KCNT2: variants seen among roughly 807,000 people sequenced by gnomAD.
KCNT2 encodes potassium channel subfamily T member 2.
In KCNT2, 67 loss-of-function variants were observed where a neutral mutation model predicts 153.8. The observed-to-expected ratio is 0.44, with a 90% CI of 0.36 to 0.53. KCNT2 has a LOEUF of 0.53. KCNT2 is among the 20% of genes least tolerant of loss of function. The pLI is 0.00. For missense variants in KCNT2, 975 were observed against 1,354.8 expected (o/e 0.72, Z 4.40); for synonymous variants, 500 against 458.8 (o/e 1.09, Z -1.15).
At chr1:196,281,738 A>C (rs1659117833) in intron 24 of KCNT2, among the ~76,000 whole-genome samples, 1 of 152,006 alleles carries the variant, frequency 6.6e-6, no homozygotes, top group African/African-American at 2.4e-5. Context: ...ATTGCCAGTT[A>C]ACAAAAAAAA....
rs1664421090 is a variant in KCNT2, at chr1:196,331,177, A to G, written c.2082T>C (p.Phe694=). Residue 694 remains phenylalanine (F), a synonymous_variant, in exon 18 of 28, where the codon TTT becomes TTC. Transcript: ENST00000294725. ...FCHLLHEKVP[F]CCLRLDKSCQ... The stretch of plus-strand genomic sequence containing the variant: ...TTACCTTGTCTAATCTTAAGCAGCA[A>G]AATGGTACTTTTTCATGAAGGAGAT... The G allele has an allele frequency of 6.2e-7, 1 of 1,602,498 alleles. No individual in the cohort carries two copies. The highest frequency in any genetic ancestry group is 1.3e-5 in the African/African-American group (1 of 74,624).
intron 1 of KCNT2, among the ~76,000 whole-genome samples, chr1:196,530,740 G>A (rs1347777154): frequency 6.6e-6 from 1 of 151,850 alleles, no homozygotes; most frequent in African/African-American, 2.4e-5. Flanking sequence ...AAGAAACATC[G>A]TTTACACTTA....
intron 1 of KCNT2, among the ~76,000 whole-genome samples, chr1:196,519,778 C>A (rs1572707686): frequency 6.6e-6 from 1 of 152,064 alleles, no homozygotes; most frequent in East Asian, 1.9e-4. Context: ...CAAAAATGAG[C>A]TCTGAAATTA....
At chr1:196,261,530 C>G (rs1438423683) in intron 25 of KCNT2, among the ~76,000 whole-genome samples, 1 of 151,384 alleles carries the variant, frequency 6.6e-6, no homozygotes, top group Non-Finnish European at 1.5e-5. Context: ...GAAAATAATA[C>G]GAAATAATTA....
At chr1:196,247,457 G>T (rs567940671) in intron 26 of KCNT2, among the ~76,000 whole-genome samples, 2 of 152,158 alleles carry the variant, frequency 1.3e-5, no homozygotes, top group Non-Finnish European at 2.9e-5. Flanking sequence ...AAAACATTTT[G>T]TATTAGTTGG....
Position 196,258,747 on chromosome 1 carries a change from A to G in KCNT2, c.2911-253T>C. On this transcript the variant is annotated intron_variant, in intron 25 of 27. Coordinates refer to ENST00000294725, the MANE Select transcript of KCNT2 (RefSeq NM_198503.5). Reference sequence around the variant, plus strand: ...GGTACAAATTTTTATGAAAGTATTTAATTTTTAGGCATAAACTTTACTTAG... The same window carrying G: ...GGTACAAATTTTTATGAAAGTATTTGATTTTTAGGCATAAACTTTACTTAG... 3 of 469,862 alleles carry G rather than the reference A, an allele frequency of 6.4e-6. No individual in the cohort carries two copies. The South Asian group carries it at 6.9e-5, about 11-fold the overall frequency. 29.1% of individuals were successfully genotyped at this position (469,862 alleles called of 1,614,324 possible).
intron 13 of KCNT2, among the ~76,000 whole-genome samples, chr1:196,385,293 A>G (rs1669870200): frequency 6.6e-6 from 1 of 152,184 alleles, no homozygotes. Context: ...ACTATTTTTG[A>G]CCTGTACAGC....
chr1:196,246,077 G>A (rs1655416946), intron 26 of KCNT2, among the ~76,000 whole-genome samples: 1 of 152,068 alleles, frequency 6.6e-6, no homozygotes, highest in South Asian at 2.1e-4. Context: ...CGAGAATAAA[G>A]AAAGGATCTG....
rs201864319 is a variant in KCNT2, at chr1:196,535,657, G to A, written c.96-43316C>T. The stretch of plus-strand genomic sequence containing the variant: ...ATGAGGTCTGAGGAGAGTTGGTGGG[G>A]TGGTGGGTAGCTAGTAAAACACTTG... On this transcript the variant is annotated intron_variant, in intron 1 of 27. Transcript: ENST00000294725. Among the ~76,000 whole-genome samples, 7 of 152,264 alleles carry A rather than the reference G, an allele frequency of 4.6e-5. No homozygotes were observed. In the East Asian group the frequency reaches 1.4e-3, roughly 29 times the overall value.
intron 1 of KCNT2, among the ~76,000 whole-genome samples, chr1:196,564,501 C>G (rs1659837144): frequency 6.6e-6 from 1 of 151,352 alleles, no homozygotes; most frequent in Non-Finnish European, 1.5e-5. Flanking sequence ...AAATCAATTC[C>G]AAAATTTGAA....
At chr1:196,357,325 T>C (rs1667253984) in intron 14 of KCNT2, among the ~76,000 whole-genome samples, 1 of 151,994 alleles carries the variant, frequency 6.6e-6, no homozygotes. Flanking sequence ...ATAATTTCTC[T>C]TTACTTACTG....
rs117483156 is a variant in KCNT2, at chr1:196,363,555, T to C, written c.1403+9585A>G. ...GAGGTGGGGCCTAATAAGGCCTTAT[T>C]AGTTCATAGGGCTCTGCCTCATAGA... On this transcript the variant is annotated intron_variant, in intron 14 of 27. Coordinates refer to ENST00000294725, the MANE Select transcript of KCNT2 (RefSeq NM_198503.5). Among the ~76,000 whole-genome samples the C allele has an allele frequency of 7.6e-4, 115 of 152,250 alleles. 2 individuals are homozygous for C. The East Asian group carries it at 0.021, about 27-fold the overall frequency.
intron 8 of KCNT2, among the ~76,000 whole-genome samples, chr1:196,438,926 C>T (rs115656947): frequency 0.019 from 2,935 of 151,688 alleles, 80 homozygotes; most frequent in Admixed American, 0.08. Flanking sequence ...TATATTCATA[C>T]TCACTATTAA....
intron 1 of KCNT2, among the ~76,000 whole-genome samples, chr1:196,498,578 A>G (rs919412870): frequency 1.1e-4 from 16 of 152,158 alleles, no homozygotes; most frequent in Admixed American, 5.2e-4. Flanking sequence ...CTTGTCCTCT[A>G]TTTATTTGAT....
chr1:196,602,078 A>G (rs1664785743), intron 1 of KCNT2, among the ~76,000 whole-genome samples: 1 of 152,212 alleles, frequency 6.6e-6, no homozygotes, highest in Admixed American at 6.5e-5. Flanking sequence ...GATTAAAAAT[A>G]ATTGTCTTTC....
chr1:196,573,284 A>G (rs962127994), intron 1 of KCNT2, among the ~76,000 whole-genome samples: 10 of 152,088 alleles, frequency 6.6e-5, no homozygotes, highest in Admixed American at 2.6e-4. Context: ...CACAAATATA[A>G]CTCATAAAGA....
intron 22 of KCNT2, among the ~76,000 whole-genome samples, chr1:196,299,220 T>C (rs1323569103): frequency 6.6e-6 from 1 of 152,158 alleles, no homozygotes; most frequent in African/African-American, 2.4e-5. Context: ...TCTCCATCTC[T>C]ATTTAGCTCT....
chr1:196,298,467 A>G (rs188758713), intron 22 of KCNT2, among the ~76,000 whole-genome samples: 3 of 152,296 alleles, frequency 2.0e-5, no homozygotes, highest in Non-Finnish European at 4.4e-5. Context: ...TAGATGAAAA[A>G]GCATGTGGAG....
At chr1:196,459,217 G>T (rs545546582) in intron 8 of KCNT2, among the ~76,000 whole-genome samples, 2 of 151,668 alleles carry the variant, frequency 1.3e-5, no homozygotes, top group East Asian at 3.9e-4. Flanking sequence ...AGTAAATCAT[G>T]TCATTAGCCA....
Sources: gnomAD v4.1 joint callset for allele counts (sites outside exome capture counted in the v4.1 genomes callset) on GRCh38, gnomAD v4.1.1 for gene constraint, MANE v1.5 for transcripts, NCBI Gene and HGNC (gene_info 2026-07-23, HGNC 2026-07-21) for gene names.